LHFPL6: variants seen among roughly 807,000 people sequenced by gnomAD.
LHFPL6 encodes the protein LHFPL tetraspan subfamily member 6, also known as LHFPL tetraspan subfamily member 6 protein.
A neutral mutation model predicts 20.6 loss-of-function variants in LHFPL6; 9 were observed. The ratio of observed to expected loss-of-function variants is 0.44; its 90% CI spans 0.26 to 0.76. The LOEUF is 0.76. Ranked by LOEUF, LHFPL6 falls within the 30% of genes least tolerant of loss-of-function variation. The pLI, the probability that LHFPL6 is intolerant of heterozygous loss-of-function variation, is 0.20. For missense variants in LHFPL6, 218 were observed against 253.5 expected, an observed-to-expected ratio of 0.86 and a Z score of 0.95; for synonymous variants, 105 against 98.7, an observed-to-expected ratio of 1.06 and a Z score of -0.38.
intron 2 of LHFPL6, among the ~76,000 whole-genome samples, chr13:39,548,826 A>G (rs1468252186): frequency 6.6e-6 from 1 of 152,102 alleles, no homozygotes; most frequent in Non-Finnish European, 1.5e-5. Flanking sequence ...GTACTTGAAT[A>G]AAAAGATGGG....
intron 2 of LHFPL6, among the ~76,000 whole-genome samples, chr13:39,427,222 G>C (rs1392548389): frequency 5.3e-5 from 8 of 152,166 alleles, no homozygotes. Context: ...GACGAACATG[G>C]CATCTGAGAA....
intron 2 of LHFPL6, among the ~76,000 whole-genome samples, chr13:39,518,017 C>T (rs1414941670): frequency 6.6e-6 from 1 of 152,242 alleles, no homozygotes; most frequent in East Asian, 1.9e-4. Flanking sequence ...CCAATCTCCA[C>T]ACTGCCCTTC....
In LHFPL6 at chr13:39,423,998, T is replaced by C. The variant is rs192000630; in HGVS notation, c.386-45472A>G. 4.6e-4 allele frequency among the ~76,000 whole-genome samples: 70 copies of C among 152,134 alleles called. 1 individual carries two copies. Among genetic ancestry groups the C allele is most frequent in the Non-Finnish European group, 2.9e-5 (2 of 67,984 alleles). On this transcript the variant is annotated intron_variant, in intron 2 of 3. Transcript: ENST00000379589. ...GGGATGGGAGTGGCAGGAGCTACAG[T>C]AAAGGCAAGGGGAAGGAAGAAGGTA... is the stretch of plus-strand genomic sequence containing the variant.
intron 2 of LHFPL6, among the ~76,000 whole-genome samples, chr13:39,453,299 A>T (rs1872496246): frequency 6.6e-6 from 1 of 152,220 alleles, no homozygotes; most frequent in Non-Finnish European, 1.5e-5. Context: ...ACATTAGAGC[A>T]AAAAATAAAA....
intron 2 of LHFPL6, among the ~76,000 whole-genome samples, chr13:39,554,101 T>C (rs181918732): frequency 3.2e-4 from 48 of 152,368 alleles, no homozygotes; most frequent in Non-Finnish European, 1.5e-5. Flanking sequence ...ACTCTCCTTG[T>C]GTTTTCTCAG....
intron 2 of LHFPL6, among the ~76,000 whole-genome samples, chr13:39,526,461 T>C (rs531830312): frequency 6.6e-6 from 1 of 152,310 alleles, no homozygotes; most frequent in East Asian, 1.9e-4. Flanking sequence ...TAACGCATAA[T>C]CATGATTTTA....
At position 39,383,180 on chromosome 13, in the gene LHFPL6, C is replaced by G. The variant is rs1870485406; in HGVS notation, c.386-4654G>C. On this transcript the variant is annotated intron_variant, in intron 2 of 3. Coordinates refer to ENST00000379589, the MANE Select transcript of LHFPL6 (RefSeq NM_005780.3). ...CAGTGAAATCCAGTGACCTGCCCCC[C>G]TGCCCAACACAACTCCATCATATAG... Among the ~76,000 whole-genome samples the G allele has an allele frequency of 1.3e-5, 2 of 152,308 alleles. 1 individual carries two copies. Among genetic ancestry groups the G allele is most frequent in the South Asian group, 4.1e-4 (2 of 4,826 alleles).
At chr13:39,540,478 C>T (rs1024989579) in intron 2 of LHFPL6, among the ~76,000 whole-genome samples, 5 of 151,994 alleles carry the variant, frequency 3.3e-5, no homozygotes, top group African/African-American at 1.2e-4. Flanking sequence ...TGTATTTCTA[C>T]AGTAATTTGT....
intron 2 of LHFPL6, among the ~76,000 whole-genome samples, chr13:39,436,708 G>T (rs1490804668): frequency 6.6e-6 from 1 of 152,204 alleles, no homozygotes; most frequent in Admixed American, 6.5e-5. Context: ...ATAAAGCACA[G>T]CAATGTTATG....
intron 2 of LHFPL6, among the ~76,000 whole-genome samples, chr13:39,459,719 A>G (rs754947052): frequency 6.6e-6 from 1 of 152,208 alleles, no homozygotes; most frequent in Non-Finnish European, 1.5e-5. Flanking sequence ...TTTAAAACTC[A>G]GCCTGACAAG....
intron 2 of LHFPL6, among the ~76,000 whole-genome samples, chr13:39,461,121 G>C (rs1872678577): frequency 6.6e-6 from 1 of 152,148 alleles, no homozygotes; most frequent in African/African-American, 2.4e-5. Context: ...AATTCGCTTA[G>C]GATGATGGCC....
rs188148778 is a variant in LHFPL6 at position 39,367,344 on chromosome 13, T to G, written c.484+11084A>C. On this transcript the variant is annotated intron_variant, in intron 3 of 3. Transcript: ENST00000379589. Reference sequence around the variant, plus strand: ...TATATCCATGTAACAATCCTGAACATGTATCCCCTGAATCTAAAATAAAAT... The same window carrying G: ...TATATCCATGTAACAATCCTGAACAGGTATCCCCTGAATCTAAAATAAAAT... 3.9e-5 allele frequency among the ~76,000 whole-genome samples: 6 copies of G among 152,246 alleles called. No individual in the cohort carries two copies. In the East Asian group the frequency reaches 1.2e-3, roughly 29 times the overall value.
At chr13:39,567,200 C>T (rs1871752211) in intron 2 of LHFPL6, among the ~76,000 whole-genome samples, 1 of 152,110 alleles carries the variant, frequency 6.6e-6, no homozygotes, top group Admixed American at 6.5e-5. Flanking sequence ...TTCTTATATT[C>T]CCACTTAAAA....
intron 2 of LHFPL6, among the ~76,000 whole-genome samples, chr13:39,469,532 G>A (rs1289859975): frequency 1.3e-5 from 2 of 152,102 alleles, no homozygotes; most frequent in African/African-American, 4.8e-5. Context: ...TCCTCCCTAT[G>A]ACAGCCCTGT....
At chr13:39,357,694 T>C (rs1244609352) in intron 3 of LHFPL6, among the ~76,000 whole-genome samples, 1 of 152,190 alleles carries the variant, frequency 6.6e-6, no homozygotes, top group East Asian at 1.9e-4. Flanking sequence ...AGCATTTTTA[T>C]ACACCAATCA....
intron 2 of LHFPL6, among the ~76,000 whole-genome samples, chr13:39,564,865 G>A (rs1307514073): frequency 1.3e-5 from 2 of 152,124 alleles, no homozygotes; most frequent in Non-Finnish European, 2.9e-5. Context: ...ATGCTAATGG[G>A]GCAAGGTTCT....
intron 2 of LHFPL6, among the ~76,000 whole-genome samples, chr13:39,593,611 C>A (rs1872678896): frequency 1.3e-5 from 2 of 152,104 alleles, no homozygotes; most frequent in African/African-American, 2.4e-5. Context: ...TTGGAAAAAA[C>A]TACTTTAAAG....
chr13:39,371,229 G>A (rs1870159975), intron 3 of LHFPL6, among the ~76,000 whole-genome samples: 1 of 152,128 alleles, frequency 6.6e-6, no homozygotes, highest in Non-Finnish European at 1.5e-5. Context: ...CAAAATGAAA[G>A]CAATAATTAC....
intron 2 of LHFPL6, among the ~76,000 whole-genome samples, chr13:39,600,239 A>T (rs1872892762): frequency 1.3e-5 from 2 of 152,194 alleles, no homozygotes; most frequent in African/African-American, 4.8e-5. Flanking sequence ...GAAAGTTAAG[A>T]CCTAACAAGG....
Sources: gnomAD v4.1 joint callset for allele counts (sites outside exome capture counted in the v4.1 genomes callset) on GRCh38, gnomAD v4.1.1 for gene constraint, MANE v1.5 for transcripts, NCBI Gene and HGNC (gene_info 2026-07-23, HGNC 2026-07-21) for gene names.